The following ANXA11 variants were observed in gnomAD, a reference collection of about 807,000 sequenced individuals.
The protein encoded by ANXA11 is 56 kDa autoantigen.
ANXA11 carries 57 observed loss-of-function variants against 64.7 expected under a neutral mutation model. The ratio of observed to expected loss-of-function variants is 0.88; its 90% CI spans 0.71 to 1.10. ANXA11 has a LOEUF of 1.10. Ranked by LOEUF, ANXA11 falls within the 50% of genes least tolerant of loss-of-function variation. The probability of loss-of-function intolerance (pLI) is 0.00; values close to 1 mark genes in which losing one functional copy is unlikely to be tolerated. For missense variants in ANXA11, 675 were observed against 670.7 expected, an observed-to-expected ratio of 1.01 and a Z score of -0.07; for synonymous variants, 260 against 265.2, an observed-to-expected ratio of 0.98 and a Z score of 0.19.
At chr10:80,161,909 C>T in intron 12 of ANXA11, 26 bp downstream of exon 12, 1 of 1,596,782 alleles carries the variant, frequency 6.3e-7, no homozygotes, top group Non-Finnish European at 8.6e-7. Context: ...TCTAACTGGC[C>T]TCTGAGGGAC....
chr10:80,204,652 TA>T (rs539143837), intron 1 of ANXA11, among the ~76,000 whole-genome samples: 2 of 152,296 alleles, frequency 1.3e-5, no homozygotes, highest in South Asian at 4.1e-4. Context: ...GTGTCTCCTT[TA>T]AACCAACAGA....
chr10:80,195,179 T>C (rs1197174916), intron 1 of ANXA11, among the ~76,000 whole-genome samples: 1 of 152,196 alleles, frequency 6.6e-6, no homozygotes, highest in Admixed American at 6.5e-5. Context: ...CCTTCAAGCC[T>C]GGGAGACTTA....
chr10:80,180,210 G>A (rs184696776), intron 1 of ANXA11, among the ~76,000 whole-genome samples: 70 of 152,336 alleles, frequency 4.6e-4, no homozygotes, highest in African/African-American at 1.7e-3. Flanking sequence ...GAGCCTCACT[G>A]CCCCGACTCA....
intron 1 of ANXA11, among the ~76,000 whole-genome samples, chr10:80,183,552 G>A (rs1846430470): frequency 6.6e-6 from 1 of 152,228 alleles, no homozygotes; most frequent in South Asian, 2.1e-4. Context: ...CACATCACAC[G>A]GGTGTGGCGG....
chr10:80,183,148 C>T (rs1353288313), intron 1 of ANXA11, among the ~76,000 whole-genome samples: 1 of 152,170 alleles, frequency 6.6e-6, no homozygotes, highest in Admixed American at 6.5e-5. Context: ...GGCACTCGTC[C>T]CAGGTCACTG....
At chr10:80,180,144 A>C (rs1846304967) in intron 1 of ANXA11, among the ~76,000 whole-genome samples, 1 of 152,210 alleles carries the variant, frequency 6.6e-6, no homozygotes, top group Non-Finnish European at 1.5e-5. Context: ...GGAGTCCCCT[A>C]ACACAGGAAT....
intron 1 of ANXA11, among the ~76,000 whole-genome samples, chr10:80,188,121 C>T (rs554815059): frequency 1.3e-5 from 2 of 152,094 alleles, no homozygotes; most frequent in Non-Finnish European, 1.5e-5. Flanking sequence ...GCTTCTACCA[C>T]CCCCAATTAC....
At chr10:80,161,621 G>A (rs954682869) in intron 12 of ANXA11, among the ~76,000 whole-genome samples, 1 of 152,214 alleles carries the variant, frequency 6.6e-6, no homozygotes, top group Non-Finnish European at 1.5e-5. Context: ...TTATTGTTAT[G>A]ACTGTTTCTT....
chr10:80,172,977 G>A, intron 2 of ANXA11, 108 bp from the exon 3 acceptor site: 1 of 917,482 alleles, frequency 1.1e-6, no homozygotes, highest in South Asian at 1.5e-5. Flanking sequence ...GGACCCTGCA[G>A]AAGAAACTGC....
chr10:80,157,966 C>A lies in ANXA11; in HGVS notation c.1335+1G>T. 6.2e-7 allele frequency: 1 copy of A among 1,613,758 alleles called. No homozygotes were observed. On this transcript the variant is annotated splice_donor_variant, in intron 14 of 15. Transcript: ENST00000422982. LOFTEE classifies it high-confidence loss of function. ...GCAACCTGCACATGGAAGTTACATACCCTCATGGCCTTGTTGAGCCTCTCC... is the reference window on the plus strand; with the variant it reads ...GCAACCTGCACATGGAAGTTACATAACCTCATGGCCTTGTTGAGCCTCTCC...
At chr10:80,163,726 C>G in intron 9 of ANXA11, 113 bp from the exon 10 acceptor site, 1 of 1,013,214 alleles carries the variant, frequency 9.9e-7, no homozygotes, top group Non-Finnish European at 1.5e-6. Flanking sequence ...GGTCTTGGCT[C>G]GGGCTCAAGA....
intron 8 of ANXA11, 40 bp downstream of exon 8, chr10:80,166,042 GCA>G (rs56904277): frequency 0.016 from 7,144 of 447,066 alleles, 20 homozygotes; most frequent in Non-Finnish European, 0.019. Context: ...ACACACGCGC[GCA>G]CACACACACA....
chr10:80,157,666 C>T lies in ANXA11; in HGVS notation c.1433G>A (p.Gly478Asp). The change falls in exon 15 of 16, where the codon GGC becomes GAC. Residue 478 changes from glycine to aspartate, a missense_variant. By Grantham distance (94) the Gly-to-Asp change is moderately conservative. Coordinates refer to ENST00000422982, the MANE Select transcript of ANXA11 (RefSeq NM_145868.2). Reference sequence around the variant, plus strand: ...CGAGATGTCGTGGTACAGCGACTTGCCGTACATCCGCTTATACTCTGATCT... The same window carrying T: ...CGAGATGTCGTGGTACAGCGACTTGTCGTACATCCGCTTATACTCTGATCT... ...DIRSEYKRMYGKSLYHDISGD... is the reference protein window; with the variant it reads ...DIRSEYKRMYDKSLYHDISGD... 1.2e-6 allele frequency: 2 copies of T among 1,613,790 alleles called. No homozygotes were observed. Among genetic ancestry groups the T allele is most frequent in the Non-Finnish European group, 1.7e-6 (2 of 1,179,840 alleles).
At chr10:80,201,748 G>T (rs936596354) in intron 1 of ANXA11, among the ~76,000 whole-genome samples, 1 of 152,106 alleles carries the variant, frequency 6.6e-6, no homozygotes, top group Non-Finnish European at 1.5e-5. Context: ...GCTCACATCT[G>T]TTATCACCAC....
intron 1 of ANXA11, among the ~76,000 whole-genome samples, chr10:80,188,254 C>T (rs977015299): frequency 7.9e-5 from 12 of 151,894 alleles, no homozygotes; most frequent in Non-Finnish European, 1.5e-4. Flanking sequence ...TGAGTTTTAC[C>T]GCAGCCCACA....
intron 1 of ANXA11, among the ~76,000 whole-genome samples, chr10:80,184,362 T>C (rs1263671073): frequency 2.0e-5 from 3 of 152,178 alleles, no homozygotes; most frequent in African/African-American, 7.2e-5. Context: ...ACTTATGATT[T>C]TTCAACTTTA....
intron 1 of ANXA11, among the ~76,000 whole-genome samples, chr10:80,194,868 C>T (rs1056879688): frequency 6.6e-6 from 1 of 152,228 alleles, no homozygotes; most frequent in Non-Finnish European, 1.5e-5. Context: ...TCGGCTAGGG[C>T]TGGCAACAGC....
intron 1 of ANXA11, among the ~76,000 whole-genome samples, chr10:80,188,994 A>C (rs1462685575): frequency 6.6e-6 from 1 of 152,128 alleles, no homozygotes; most frequent in Non-Finnish European, 1.5e-5. Context: ...TCAGAGCCTG[A>C]AACTCAGCTA....
chr10:80,177,604 C>CA (rs1181572045), intron 1 of ANXA11, among the ~76,000 whole-genome samples: 1 of 152,116 alleles, frequency 6.6e-6, no homozygotes, highest in East Asian at 1.9e-4. Context: ...ACGAAAGGGA[C>CA]AACGAGGGAC....
Sources: gnomAD v4.1 joint callset for allele counts (sites outside exome capture counted in the v4.1 genomes callset) on GRCh38, gnomAD v4.1.1 for gene constraint, MANE v1.5 for transcripts, NCBI Gene and HGNC (gene_info 2026-07-23, HGNC 2026-07-21) for gene names.